Variants in DPP10 observed in about 807,000 individuals in gnomAD.
The protein encoded by DPP10 is inactive dipeptidyl peptidase 10.
In DPP10, 33 loss-of-function variants were observed where a neutral mutation model predicts 120.9. The ratio of observed to expected loss-of-function variants is 0.27; its 90% CI spans 0.21 to 0.37. The LOEUF (loss-of-function observed/expected upper bound fraction) is 0.37. DPP10 is among the 10% of genes least tolerant of loss of function. The pLI is 1.00. For missense variants in DPP10, 816 were observed against 942.8 expected, an observed-to-expected ratio of 0.87 and a Z score of 1.76; for synonymous variants, 337 against 326.1, an observed-to-expected ratio of 1.03 and a Z score of -0.36.
chr2:115,538,812 G>A (rs2079018923), intron 5 of DPP10, among the ~76,000 whole-genome samples: 1 of 151,880 alleles, frequency 6.6e-6, no homozygotes, highest in Non-Finnish European at 1.5e-5. Context: ...TGTCTATTGA[G>A]GACTTGAAAT....
intron 1 of DPP10, among the ~76,000 whole-genome samples, chr2:114,478,546 T>C (rs1197993173): frequency 6.6e-6 from 1 of 151,948 alleles, no homozygotes; most frequent in African/African-American, 2.4e-5. Context: ...GATGCAGCAT[T>C]GGAAGTTCTA....
chr2:115,799,352 T>A (rs965838805), intron 19 of DPP10, among the ~76,000 whole-genome samples: 1 of 152,088 alleles, frequency 6.6e-6, no homozygotes, highest in Non-Finnish European at 1.5e-5. Context: ...GTTATATATA[T>A]TTTAATTTAT....
intron 1 of DPP10, among the ~76,000 whole-genome samples, chr2:115,122,986 C>G (rs547716519): frequency 6.6e-6 from 1 of 152,272 alleles, no homozygotes; most frequent in East Asian, 1.9e-4. Flanking sequence ...AGAAAGAATC[C>G]ATGTACAGGG....
chr2:114,674,052 G>A (rs1307226789), intron 1 of DPP10, among the ~76,000 whole-genome samples: 1 of 151,790 alleles, frequency 6.6e-6, no homozygotes, highest in African/African-American at 2.4e-5. Context: ...TTCATTTTAT[G>A]TTTCTAATAA....
chr2:114,891,223 G>A (rs1692516782), intron 1 of DPP10, among the ~76,000 whole-genome samples: 1 of 152,184 alleles, frequency 6.6e-6, no homozygotes, highest in African/African-American at 2.4e-5. Context: ...TGCAAGCTGA[G>A]TAGAGAAAGA....
At chr2:115,350,996 A>G (rs2063991568) in intron 3 of DPP10, among the ~76,000 whole-genome samples, 1 of 152,120 alleles carries the variant, frequency 6.6e-6, no homozygotes, top group Admixed American at 6.6e-5. Context: ...CAGAACTAGC[A>G]TTGGACTAGC....
intron 1 of DPP10, among the ~76,000 whole-genome samples, chr2:115,156,693 T>C (rs947509525): frequency 2.0e-5 from 3 of 152,232 alleles, no homozygotes; most frequent in African/African-American, 7.2e-5. Flanking sequence ...GAAGATTATT[T>C]TGAATCATTA....
chr2:115,583,304 A>C (rs920764052), intron 5 of DPP10, among the ~76,000 whole-genome samples: 1 of 152,236 alleles, frequency 6.6e-6, no homozygotes, highest in Non-Finnish European at 1.5e-5. Context: ...ATAAAACCAC[A>C]GGATTGCATT....
intron 10 of DPP10, among the ~76,000 whole-genome samples, chr2:115,751,858 G>A (rs909872009): frequency 2.3e-4 from 35 of 151,164 alleles, no homozygotes; most frequent in African/African-American, 6.6e-4. Flanking sequence ...TAGGGCAGTG[G>A]CACGATCTCG....
chr2:115,163,783 TG>T (rs2052618132), intron 1 of DPP10, among the ~76,000 whole-genome samples: 2 of 152,154 alleles, frequency 1.3e-5, no homozygotes, highest in South Asian at 4.1e-4. Flanking sequence ...TGACACCAGC[TG>T]GTTACTTGAG....
intron 1 of DPP10, among the ~76,000 whole-genome samples, chr2:115,055,551 T>C (rs960665935): frequency 9.9e-5 from 15 of 152,176 alleles, no homozygotes; most frequent in African/African-American, 3.4e-4. Flanking sequence ...AAGTTCATAA[T>C]TTTTATAATT....
chr2:115,163,680 G>C (rs755987680), intron 1 of DPP10, among the ~76,000 whole-genome samples: 1 of 152,116 alleles, frequency 6.6e-6, no homozygotes, highest in African/African-American at 2.4e-5. Context: ...TTAACAAGCC[G>C]CCGAGCCTCT....
chr2:114,986,098 A>G (rs1244023402), intron 1 of DPP10, among the ~76,000 whole-genome samples: 1 of 152,260 alleles, frequency 6.6e-6, no homozygotes, highest in East Asian at 1.9e-4. Flanking sequence ...TGAAATAATG[A>G]AACCACAAAA....
chr2:115,667,958 A>G (rs1039449998), intron 5 of DPP10, among the ~76,000 whole-genome samples: 1 of 152,096 alleles, frequency 6.6e-6, no homozygotes, highest in African/African-American at 2.4e-5. Flanking sequence ...TGGGAATTTT[A>G]ATATACAGAT....
intron 1 of DPP10, among the ~76,000 whole-genome samples, chr2:115,067,630 G>A (rs146406368): frequency 8.4e-4 from 124 of 147,352 alleles, no homozygotes; most frequent in African/African-American, 2.9e-3. Flanking sequence ...TTGGGAAGTC[G>A]AGGCAGGGGG....
At chr2:114,952,207 A>G (rs1490348554) in intron 1 of DPP10, among the ~76,000 whole-genome samples, 1 of 152,120 alleles carries the variant, frequency 6.6e-6, no homozygotes, top group South Asian at 2.1e-4. Flanking sequence ...GTTTCCATGC[A>G]TAAGTTTACA....
rs1217173574 is a variant in DPP10, at chr2:115,371,794, T to C, written c.271+27882T>C. 3.3e-5 allele frequency among the ~76,000 whole-genome samples: 5 copies of C among 152,148 alleles called. No homozygotes were observed. The East Asian group carries it at 9.6e-4, about 29-fold the overall frequency. On this transcript the variant is annotated intron_variant, in intron 3 of 25. Transcript: ENST00000410059. ...GTCTACTATTAATAGAGGAAAGTTA[T>C]AGGGAAACATATTTTGTTCTAATAA...
At position 114,823,350 on chromosome 2, in the gene DPP10, C is replaced by G. The variant is rs1434547156; in HGVS notation, c.60+380512C>G. ...AGCATGGGAGAACCACCCCCATAAT[C>G]TAATCACCCCCCACGAAGTCCCTCA... On this transcript the variant is annotated intron_variant, in intron 1 of 25. Coordinates refer to ENST00000410059, the MANE Select transcript of DPP10 (RefSeq NM_020868.6). 1.1e-4 allele frequency among the ~76,000 whole-genome samples: 16 copies of G among 152,068 alleles called. No homozygotes were observed. In the East Asian group the frequency reaches 2.9e-3, roughly 28 times the overall value.
At chr2:115,102,421 T>A (rs2048735879) in intron 1 of DPP10, among the ~76,000 whole-genome samples, 1 of 150,242 alleles carries the variant, frequency 6.7e-6, no homozygotes, top group African/African-American at 2.4e-5. Context: ...GTTTGTTTGT[T>A]TGTTTTTGAG....
Sources: gnomAD v4.1 joint callset for allele counts (sites outside exome capture counted in the v4.1 genomes callset) on GRCh38, gnomAD v4.1.1 for gene constraint, MANE v1.5 for transcripts, NCBI Gene and HGNC (gene_info 2026-07-23, HGNC 2026-07-21) for gene names.